The following THSD7A variants were observed in gnomAD, a reference collection of about 807,000 sequenced individuals.
The protein encoded by THSD7A is thrombospondin type 1 domain containing 7A, also known as thrombospondin type-1 domain-containing protein 7A.
THSD7A carries 96 observed loss-of-function variants against 231.3 expected under a neutral mutation model. The ratio of observed to expected loss-of-function variants is 0.41; its 90% CI spans 0.35 to 0.49. The LOEUF (loss-of-function observed/expected upper bound fraction) is 0.49. Ranked by LOEUF, THSD7A falls within the 20% of genes least tolerant of loss-of-function variation. The pLI is 0.05. For synonymous variants in THSD7A, 940 were observed against 743.3 expected, an observed-to-expected ratio of 1.26 and a Z score of -4.30; for missense variants, 2,290 against 2,070.2, an observed-to-expected ratio of 1.11 and a Z score of -2.06.
At chr7:11,708,924 T>C (rs1780857955) in intron 1 of THSD7A, among the ~76,000 whole-genome samples, 1 of 150,708 alleles carries the variant, frequency 6.6e-6, no homozygotes, top group Admixed American at 6.6e-5. Flanking sequence ...ATAGGAAATA[T>C]AATACACATT....
intron 16 of THSD7A, among the ~76,000 whole-genome samples, chr7:11,417,966 A>G (rs1327894492): frequency 3.9e-5 from 6 of 152,194 alleles, no homozygotes; most frequent in Non-Finnish European, 7.3e-5. Context: ...GAACTGTCCA[A>G]AGAGCTTCGT....
chr7:11,669,133 T>A (rs900012818), intron 1 of THSD7A, among the ~76,000 whole-genome samples: 1 of 152,168 alleles, frequency 6.6e-6, no homozygotes, highest in African/African-American at 2.4e-5. Context: ...CCACAAGGAA[T>A]GTGAAAGAGC....
At chr7:11,750,242 A>G (rs1243082578) in intron 1 of THSD7A, among the ~76,000 whole-genome samples, 2 of 151,872 alleles carry the variant, frequency 1.3e-5, no homozygotes, top group Non-Finnish European at 2.9e-5. Flanking sequence ...ACTAATTATT[A>G]TTAATACTAT....
intron 1 of THSD7A, among the ~76,000 whole-genome samples, chr7:11,662,444 T>C (rs1782964101): frequency 6.6e-6 from 1 of 151,280 alleles, no homozygotes; most frequent in South Asian, 2.1e-4. Context: ...TACAGAGAGG[T>C]ATACAGTAAT....
chr7:11,560,270 A>G (rs989871190), intron 4 of THSD7A, among the ~76,000 whole-genome samples: 1 of 152,192 alleles, frequency 6.6e-6, no homozygotes, highest in African/African-American at 2.4e-5. Flanking sequence ...AGAGGAAAGC[A>G]GTCATGAATA....
intron 4 of THSD7A, among the ~76,000 whole-genome samples, chr7:11,567,485 A>T (rs1179586458): frequency 6.6e-6 from 1 of 152,154 alleles, no homozygotes; most frequent in Admixed American, 6.5e-5. Context: ...AAGCCTAACC[A>T]TATCATTCCA....
rs1411237389 is a variant in THSD7A at position 11,831,849 on chromosome 7, G to A, written c.98C>T (p.Pro33Leu). Reference protein sequence around the residue: ...LQLLPLPLPLPLLLLLLLRPG... With the variant: ...LQLLPLPLPLLLLLLLLLRPG... ...GCGTAGCAGCAGCAGCAGGAGCAGC[G>A]GCAGCGGCAGCGGCAGCGGCAGCAG... The change falls in exon 1 of 28, where the codon CCG becomes CTG. Residue 33 changes from proline to leucine, a missense_variant. Transcript: ENST00000423059. This position sits in a 1 kb window ranked among gnomAD's most constrained non-coding sequence, Gnocchi z 5.0. 8.0e-7 allele frequency: 1 copy of A among 1,244,694 alleles called. No homozygotes were observed. The highest frequency in any genetic ancestry group is 1.0e-6 in the Non-Finnish European group (1 of 983,982). 77.1% of individuals were successfully genotyped at this position (1,244,694 alleles called of 1,614,324 possible).
intron 1 of THSD7A, among the ~76,000 whole-genome samples, chr7:11,747,501 CTTAAT>C (rs1008429304): frequency 6.6e-6 from 1 of 151,932 alleles, no homozygotes; most frequent in African/African-American, 2.4e-5. Flanking sequence ...ATTTAGTTTT[CTTAAT>C]TTAGTTTCTA....
intron 17 of THSD7A, among the ~76,000 whole-genome samples, chr7:11,415,540 C>T (rs1245851895): frequency 1.3e-5 from 2 of 152,174 alleles, no homozygotes; most frequent in Non-Finnish European, 2.9e-5. Flanking sequence ...ATTCTTCCAC[C>T]TACCGAGAGA....
chr7:11,793,155 A>G (rs527399995), intron 1 of THSD7A, among the ~76,000 whole-genome samples: 15 of 151,942 alleles, frequency 9.9e-5, no homozygotes, highest in Non-Finnish European at 1.6e-4. Context: ...AAAAAATGAG[A>G]TGAAAAGACA....
At chr7:11,742,622 T>C (rs1782151398) in intron 1 of THSD7A, among the ~76,000 whole-genome samples, 2 of 151,918 alleles carry the variant, frequency 1.3e-5, no homozygotes, top group South Asian at 2.1e-4. Context: ...AAAATTCACG[T>C]CCTTTCAGCT....
chr7:11,430,129 A>G (rs1206981755), intron 13 of THSD7A, among the ~76,000 whole-genome samples: 2 of 152,194 alleles, frequency 1.3e-5, no homozygotes, highest in African/African-American at 4.8e-5. Flanking sequence ...TTTTATCTCA[A>G]CAGCAGAGAT....
chr7:11,681,086 C>T (rs906147828), intron 1 of THSD7A, among the ~76,000 whole-genome samples: 1 of 152,062 alleles, frequency 6.6e-6, no homozygotes, highest in African/African-American at 2.4e-5. Context: ...TCATTCTCAG[C>T]AAACTAACAC....
At chr7:11,598,493 G>C (rs552249326) in intron 2 of THSD7A, among the ~76,000 whole-genome samples, 74 of 152,254 alleles carry the variant, frequency 4.9e-4, no homozygotes, top group African/African-American at 1.8e-3. Flanking sequence ...GTTATGGATG[G>C]GCTCAGCAAC....
At chr7:11,762,051 T>C (rs11982046) in intron 1 of THSD7A, among the ~76,000 whole-genome samples, 101,194 of 152,028 alleles carry the variant, frequency 0.67, 34,441 homozygotes, top group African/African-American at 0.82. Context: ...TGGCCTCCAG[T>C]TTCAATCATG....
chr7:11,485,398 A>T lies in THSD7A; in HGVS notation c.1823-3416T>A, dbSNP rs1260932386. Among the ~76,000 whole-genome samples the T allele has an allele frequency of 2.6e-5, 4 of 152,242 alleles. No individual in the cohort carries two copies. The East Asian group carries it at 5.8e-4, about 22-fold the overall frequency. ...GGAGATTCTCCTTATACTTCTCTTC[A>T]CACAGAGTATCCATGGCTGAAAACA... On this transcript the variant is annotated intron_variant, in intron 6 of 27. Transcript: ENST00000423059.
chr7:11,466,015 G>A (rs1785690684), intron 9 of THSD7A, among the ~76,000 whole-genome samples: 1 of 152,092 alleles, frequency 6.6e-6, no homozygotes, highest in Non-Finnish European at 1.5e-5. Context: ...TTTTCAAGGG[G>A]TATTTTAGAA....
intron 15 of THSD7A, among the ~76,000 whole-genome samples, chr7:11,425,810 GA>G (rs1784301590): frequency 2.0e-5 from 3 of 151,554 alleles, no homozygotes; most frequent in Admixed American, 1.3e-4. Context: ...AGGGAAGAGA[GA>G]AACTATAGCT....
At chr7:11,648,774 G>A (rs559853271) in intron 1 of THSD7A, among the ~76,000 whole-genome samples, 2 of 151,924 alleles carry the variant, frequency 1.3e-5, no homozygotes, top group African/African-American at 4.8e-5. Flanking sequence ...TCTATTAGGG[G>A]TAGCCAGAGA....
Sources: allele counts gnomAD v4.1 joint callset (sites outside exome capture counted in the v4.1 genomes callset), GRCh38; gene constraint gnomAD v4.1.1; non-coding constraint Gnocchi (gnomAD v3.1); transcripts MANE v1.5; gene names NCBI Gene and HGNC (gene_info 2026-07-23, HGNC 2026-07-21).